The following KIF15 variants were observed in gnomAD, a reference collection of about 807,000 sequenced individuals.
The protein encoded by KIF15 is kinesin family member 15, also known as kinesin-like protein KIF15.
In KIF15, 140 loss-of-function variants were observed where a neutral mutation model predicts 190.6. The observed-to-expected ratio is 0.73, with a 90% confidence interval of 0.64 to 0.84. The LOEUF is 0.84. KIF15 is among the 40% of genes least tolerant of loss of function. The pLI is 0.00. For missense variants in KIF15, 1,372 were observed against 1,584.4 expected, an observed-to-expected ratio of 0.87 and a Z score of 2.28; for synonymous variants, 528 against 551.3, an observed-to-expected ratio of 0.96 and a Z score of 0.59.
chr3:44,830,672 C>G (rs1410876534), intron 25 of KIF15, among the ~76,000 whole-genome samples: 2 of 152,176 alleles, frequency 1.3e-5, no homozygotes, highest in Non-Finnish European at 2.9e-5. Context: ...TTTCTGAAGG[C>G]AGTAGATGAC....
intron 1 of KIF15, among the ~76,000 whole-genome samples, chr3:44,768,293 GA>G (rs551362428): frequency 1.1e-4 from 16 of 145,778 alleles, no homozygotes; most frequent in African/African-American, 2.5e-4. Flanking sequence ...GAAAAGAAAA[GA>G]AAAAAAAAAC....
intron 26 of KIF15, among the ~76,000 whole-genome samples, chr3:44,832,886 G>C (rs975696542): frequency 6.6e-6 from 1 of 151,606 alleles, no homozygotes; most frequent in Non-Finnish European, 1.5e-5. Context: ...GTGGTGGTGC[G>C]TGCCTGTAAT....
At chr3:44,804,824 T>C (rs531205770) in intron 14 of KIF15, among the ~76,000 whole-genome samples, 34 of 152,224 alleles carry the variant, frequency 2.2e-4, no homozygotes, top group African/African-American at 7.7e-4. Flanking sequence ...ACTGAAGTTG[T>C]AAAGCTAGGC....
chr3:44,786,651 C>G (rs1424022519), intron 7 of KIF15, 77 bp downstream of exon 7: 3 of 1,205,288 alleles, frequency 2.5e-6, no homozygotes, highest in African/African-American at 3.0e-5. Flanking sequence ...CAAAAAGTGA[C>G]AATTGAGGTA....
At chr3:44,826,974 T>C (rs1559570965) in intron 22 of KIF15, 2 of 456,218 alleles carry the variant, frequency 4.4e-6, no homozygotes, top group Admixed American at 4.7e-5. Context: ...GAGTTCTTCC[T>C]ATGAGGTCGC....
intron 6 of KIF15, chr3:44,864,461 G>A (rs1012016111): frequency 5.3e-6 from 7 of 1,311,286 alleles, no homozygotes; most frequent in Non-Finnish European, 5.3e-6. Flanking sequence ...CAGAGGTTGG[G>A]CTGTGGCTTG....
chr3:44,789,880 A>G (rs931686198), intron 7 of KIF15, among the ~76,000 whole-genome samples: 1 of 151,882 alleles, frequency 6.6e-6, no homozygotes, highest in African/African-American at 2.4e-5. Flanking sequence ...ACTTCTCAAT[A>G]AGAACCCAAC....
chr3:44,858,668 A>G (rs916221828), intron 6 of KIF15, among the ~76,000 whole-genome samples: 2 of 152,184 alleles, frequency 1.3e-5, no homozygotes, highest in Admixed American at 6.5e-5. Flanking sequence ...GAACTGGGCA[A>G]GTGGGGATAA....
chr3:44,847,959 C>T (rs1173618821), intron 30 of KIF15, 26 bp from the exon 31 acceptor site: 3 of 1,539,540 alleles, frequency 1.9e-6, no homozygotes, highest in Non-Finnish European at 2.7e-6. Context: ...TCCTATGCCT[C>T]CTCCCACCCC....
intron 13 of KIF15, 68 bp from the exon 14 acceptor site, chr3:44,802,746 T>G: frequency 6.9e-7 from 1 of 1,442,126 alleles, no homozygotes; most frequent in Admixed American, 2.6e-5. Context: ...TAATGGCTTT[T>G]TAGAGGAACT....
intron 9 of KIF15, 73 bp from the exon 10 acceptor site, chr3:44,797,761 G>A (rs1707059313): frequency 6.2e-7 from 1 of 1,604,142 alleles, no homozygotes; most frequent in Non-Finnish European, 8.5e-7. Flanking sequence ...GGTGGCAAGA[G>A]TATACATTTT....
At chr3:44,829,698 A>G (rs1267767953) in intron 24 of KIF15, among the ~76,000 whole-genome samples, 1 of 134,484 alleles carries the variant, frequency 7.4e-6, no homozygotes, top group Admixed American at 8.3e-5. Context: ...ATAGATGTAT[A>G]TATATTATAG....
Position 44,861,829 on chromosome 3 carries a change from T to A in KIF15, c.*59+9035T>A, listed in dbSNP as rs1444824512. On this transcript the variant is annotated intron_variant and NMD_transcript_variant, in intron 6 of 6. Transcript: ENST00000422209. ...CCAAGGGGCCTGCCGGAGCGTGGCGTCACAGGAGCGTCGCGTCACGTGAGG... is the reference window on the plus strand; with the variant it reads ...CCAAGGGGCCTGCCGGAGCGTGGCGACACAGGAGCGTCGCGTCACGTGAGG... 9 of 1,338,450 alleles carry A rather than the reference T, an allele frequency of 6.7e-6. No homozygotes were observed. The East Asian group carries it at 8.8e-5, about 13-fold the overall frequency. The allele number at this position is 1,338,450 out of a possible 1,614,324, so 82.9% of individuals were successfully genotyped here.
At chr3:44,834,167 C>T (rs1428628710) in intron 26 of KIF15, among the ~76,000 whole-genome samples, 1 of 152,080 alleles carries the variant, frequency 6.6e-6, no homozygotes, top group Non-Finnish European at 1.5e-5. Flanking sequence ...ATTCATATTC[C>T]CTTTGTACTT....
At position 44,783,958 on chromosome 3, in the gene KIF15, C is replaced by T. The variant is rs1706283759; in HGVS notation, c.362-887C>T. On this transcript the variant is annotated intron_variant, in intron 5 of 34. Transcript: ENST00000326047. ...CCTTAGAATCCTGCTATTTGCATAT[C>T]CACTCTTCCTTTTCCCAGTGTAACA... is the stretch of plus-strand genomic sequence containing the variant. Among the ~76,000 whole-genome samples the T allele has an allele frequency of 2.0e-5, 3 of 152,106 alleles. No individual in the cohort carries two copies. In the South Asian group the frequency reaches 6.2e-4, roughly 31 times the overall value.
In KIF15 at chr3:44,761,852, G is replaced by C; in HGVS notation, c.-14G>C. On this transcript the variant is annotated 5_prime_UTR_variant, in exon 1 of 35. Coordinates refer to ENST00000326047, the MANE Select transcript of KIF15 (RefSeq NM_020242.3). ...CCGGCTGCATTGTTTTCGGGATCGAGGGGTGAGGGCGCTATGGCACCCGGC... is the reference window on the plus strand; with the variant it reads ...CCGGCTGCATTGTTTTCGGGATCGACGGGTGAGGGCGCTATGGCACCCGGC... The C allele has an allele frequency of 6.2e-7, 1 of 1,614,204 alleles. No homozygotes were observed. Among genetic ancestry groups the C allele is most frequent in the Non-Finnish European group, 8.5e-7 (1 of 1,180,032 alleles).
At position 44,848,056 on chromosome 3, in the gene KIF15, A is replaced by C. The variant is rs754138271; in HGVS notation, c.3767A>C (p.Lys1256Thr). The stretch of plus-strand genomic sequence containing the variant: ...GAAAGTATCAAAGAAAGACTTGCAA[A>C]AGTAAGATTTTTTTTTATGTAATAG... ...QEESIKERLA[K>T]SKIVEEMLKM... Residue 1256 changes from lysine to threonine, a missense_variant and splice_region_variant, in exon 31 of 35, where the codon AAA becomes ACA. By Grantham distance (78) the Lys-to-Thr change is moderately conservative (BLOSUM62 -1). Transcript: ENST00000326047. 1 of 1,591,398 alleles carries C rather than the reference A, an allele frequency of 6.3e-7. No homozygotes were observed. Among genetic ancestry groups the C allele is most frequent in the Non-Finnish European group, 8.6e-7 (1 of 1,161,436 alleles).
At chr3:44,833,648 TGCTC>T (rs1227516652) in intron 26 of KIF15, among the ~76,000 whole-genome samples, 4 of 138,824 alleles carry the variant, frequency 2.9e-5, no homozygotes, top group African/African-American at 9.9e-5. Flanking sequence ...GATGAAGCTG[TGCTC>T]GCTTTCCTCC....
At chr3:44,819,041 A>AT (rs1708149040) in intron 20 of KIF15, among the ~76,000 whole-genome samples, 1 of 152,118 alleles carries the variant, frequency 6.6e-6, no homozygotes, top group African/African-American at 2.4e-5. Context: ...AGAGGTGTTT[A>AT]TAGTATTCTC....
Sources: gnomAD v4.1 joint callset for allele counts (sites outside exome capture counted in the v4.1 genomes callset) on GRCh38, gnomAD v4.1.1 for gene constraint, MANE v1.5 for transcripts, NCBI Gene and HGNC (gene_info 2026-07-23, HGNC 2026-07-21) for gene names.